CADM2: variants seen among roughly 807,000 people sequenced by gnomAD.
CADM2 encodes the protein cell adhesion molecule 2.
In CADM2, 12 loss-of-function variants were observed where a neutral mutation model predicts 49.8. That is an observed-to-expected ratio of 0.24 (90% CI 0.15 to 0.39). The LOEUF is 0.39. CADM2 is among the 10% of genes least tolerant of loss of function. The probability of loss-of-function intolerance (pLI) is 1.00; values close to 1 mark genes in which losing one functional copy is unlikely to be tolerated. For missense variants in CADM2, 378 were observed against 492.3 expected (o/e 0.77, Z 2.20); for synonymous variants, 214 against 175.4 (o/e 1.22, Z -1.74).
intron 1 of CADM2, among the ~76,000 whole-genome samples, chr3:85,206,464 C>T (rs915295596): frequency 4.0e-5 from 6 of 151,822 alleles, no homozygotes; most frequent in Admixed American, 1.3e-4. Flanking sequence ...CCCGTCACCA[C>T]GCCCGGCTAA....
At chr3:85,533,058 C>T (rs1464338222) in intron 1 of CADM2, among the ~76,000 whole-genome samples, 2 of 152,112 alleles carry the variant, frequency 1.3e-5, no homozygotes, top group Non-Finnish European at 2.9e-5. Flanking sequence ...GGGTACAAGA[C>T]TTAATACTTG....
At chr3:85,629,388 A>G (rs2064236192) in intron 1 of CADM2, among the ~76,000 whole-genome samples, 1 of 151,874 alleles carries the variant, frequency 6.6e-6, no homozygotes, top group Non-Finnish European at 1.5e-5. Context: ...TGATACGGAT[A>G]TAGCATGCAT....
intron 7 of CADM2, among the ~76,000 whole-genome samples, chr3:85,951,480 C>T (rs1559762203): frequency 2.0e-5 from 3 of 150,984 alleles, no homozygotes; most frequent in African/African-American, 7.3e-5. Flanking sequence ...AAACACAAAT[C>T]CAATTTAACA....
chr3:85,702,308 T>A (rs1349748698), intron 1 of CADM2, among the ~76,000 whole-genome samples: 2 of 151,958 alleles, frequency 1.3e-5, no homozygotes, highest in African/African-American at 4.8e-5. Context: ...TCTTTTTTTA[T>A]TTTTTTTCCT....
chr3:86,060,981 CAATAATAATAAT>C (rs144216839), intron 8 of CADM2, among the ~76,000 whole-genome samples: 3 of 147,942 alleles, frequency 2.0e-5, no homozygotes, highest in Non-Finnish European at 4.5e-5. Flanking sequence ...GGCTATGTCT[CAATAATAATAAT>C]AATAATAATA....
intron 1 of CADM2, among the ~76,000 whole-genome samples, chr3:85,659,744 A>C (rs1013399007): frequency 2.6e-4 from 40 of 152,242 alleles, no homozygotes; most frequent in Non-Finnish European, 8.8e-5. Context: ...GGATCTTGTT[A>C]AAATGCAGAT....
chr3:85,068,794 T>A (rs2036615354), intron 1 of CADM2, among the ~76,000 whole-genome samples: 1 of 151,792 alleles, frequency 6.6e-6, no homozygotes, highest in Non-Finnish European at 1.5e-5. Flanking sequence ...TTTTTTTTGC[T>A]TTTGGTTTTT....
intron 5 of CADM2, among the ~76,000 whole-genome samples, chr3:85,896,043 C>T (rs992560129): frequency 6.6e-6 from 1 of 152,178 alleles, no homozygotes; most frequent in Non-Finnish European, 1.5e-5. Context: ...CTAATCCCAG[C>T]CCTTTGTGGG....
intron 1 of CADM2, among the ~76,000 whole-genome samples, chr3:85,416,194 C>T (rs1194619751): frequency 6.6e-6 from 1 of 152,056 alleles, no homozygotes; most frequent in Non-Finnish European, 1.5e-5. Context: ...AATAACCCAA[C>T]AAACCTGTTT....
At chr3:85,313,274 A>G (rs990026315) in intron 1 of CADM2, among the ~76,000 whole-genome samples, 1 of 152,240 alleles carries the variant, frequency 6.6e-6, no homozygotes, top group Non-Finnish European at 1.5e-5. Flanking sequence ...CATGTAAGTC[A>G]TAGAAAATCT....
intron 1 of CADM2, among the ~76,000 whole-genome samples, chr3:85,509,839 A>G (rs1463013634): frequency 6.6e-6 from 1 of 152,062 alleles, no homozygotes; most frequent in Non-Finnish European, 1.5e-5. Context: ...TAAATACTCT[A>G]TCCATTTAAA....
intron 1 of CADM2, among the ~76,000 whole-genome samples, chr3:85,155,088 A>C (rs1201058459): frequency 1.4e-5 from 2 of 146,154 alleles, no homozygotes; most frequent in African/African-American, 5.6e-5. Flanking sequence ...CACACATAAC[A>C]ATATTAACCT....
intron 1 of CADM2, among the ~76,000 whole-genome samples, chr3:85,252,119 A>T (rs532583189): frequency 6.6e-6 from 1 of 152,112 alleles, no homozygotes; most frequent in Non-Finnish European, 1.5e-5. Flanking sequence ...AGCAAATGTT[A>T]TTCTGACTAT....
chr3:85,921,812 C>T (rs533860403), intron 6 of CADM2, among the ~76,000 whole-genome samples: 2 of 152,122 alleles, frequency 1.3e-5, no homozygotes, highest in East Asian at 3.9e-4. Flanking sequence ...CCCAAAAAAT[C>T]TCCTGTGCTC....
intron 1 of CADM2, among the ~76,000 whole-genome samples, chr3:85,175,484 T>C (rs1020357853): frequency 2.6e-5 from 4 of 152,190 alleles, no homozygotes; most frequent in Non-Finnish European, 2.9e-5. Context: ...TTGAAGACAT[T>C]ATGCTAAGTG....
At chr3:85,713,077 T>C (rs1452349344) in intron 1 of CADM2, among the ~76,000 whole-genome samples, 2 of 152,158 alleles carry the variant, frequency 1.3e-5, no homozygotes, top group Non-Finnish European at 2.9e-5. Context: ...GTAATTTATC[T>C]CTTAAAACAG....
chr3:85,136,872 T>C (rs995483372), intron 1 of CADM2, among the ~76,000 whole-genome samples: 1 of 152,018 alleles, frequency 6.6e-6, no homozygotes, highest in African/African-American at 2.4e-5. Context: ...TTTGTAATTG[T>C]GTAAATCATT....
rs200464117 is a variant in CADM2, at chr3:85,321,183, AAG to A, written c.61+361528_61+361529del. ...TTTTTTTTTGCGAGAGAGAGAAAGA[AAG>A]AGAGAGAGAGAGTGTCTTGCTCTGT... On this transcript the variant is annotated intron_variant, in intron 1 of 9. Coordinates refer to ENST00000383699, the MANE Select transcript of CADM2 (RefSeq NM_001167675.2). Among the ~76,000 whole-genome samples, 3 of 96,192 alleles carry A rather than the reference AAG, an allele frequency of 3.1e-5. No individual in the cohort carries two copies. In the Admixed American group the frequency reaches 4.9e-4, roughly 16 times the overall value. The allele number at this position is 96,192 out of a possible 152,430, so 63.1% of individuals were successfully genotyped here. A position where few individuals can be genotyped will look rare whatever the true frequency, so the allele number is the denominator to read the frequency against.
At chr3:85,486,875 C>CA (rs1016901997) in intron 1 of CADM2, among the ~76,000 whole-genome samples, 9 of 152,000 alleles carry the variant, frequency 5.9e-5, no homozygotes, top group Admixed American at 2.6e-4. Flanking sequence ...AATGTAAGGT[C>CA]AAAATGTCCC....
Sources: gnomAD v4.1 joint callset for allele counts (sites outside exome capture counted in the v4.1 genomes callset) on GRCh38, gnomAD v4.1.1 for gene constraint, MANE v1.5 for transcripts, NCBI Gene and HGNC (gene_info 2026-07-23, HGNC 2026-07-21) for gene names.